Variants in BICRA observed in about 807,000 individuals in gnomAD.
BICRA encodes BRD4-interacting chromatin-remodeling complex-associated protein.
Under a neutral mutation model 96.9 loss-of-function variants are expected in BICRA, and 31 were observed. The ratio of observed to expected loss-of-function variants is 0.32; its 90% CI spans 0.24 to 0.43. The LOEUF (loss-of-function observed/expected upper bound fraction) is 0.43, where lower values mean the gene tolerates loss of function less well. Among genes scored for constraint, BICRA ranks in the 20% least tolerant of loss-of-function variants. The pLI, the probability that BICRA is intolerant of heterozygous loss-of-function variation, is 1.00. For missense variants in BICRA, 2,283 were observed against 2,190.3 expected, an observed-to-expected ratio of 1.04 and a Z score of -0.84; for synonymous variants, 1,350 against 1,071.8, an observed-to-expected ratio of 1.26 and a Z score of -5.07.
At chr19:47,695,343 C>CGGGGGGGCG in intron 9 of BICRA, 22 bp from the exon 10 acceptor site, 1 of 630,246 alleles carries the variant, frequency 1.6e-6, no homozygotes, top group South Asian at 2.0e-5. Context: ...GGCCCTGTCT[C>CGGGGGGGCG]CCCCACCCCA....
At chr19:47,624,552 G>A (rs1972112316) in intron 1 of BICRA, among the ~76,000 whole-genome samples, 1 of 152,206 alleles carries the variant, frequency 6.6e-6, no homozygotes, top group Non-Finnish European at 1.5e-5. Context: ...ATACTGACAT[G>A]AAGTGAGCTT....
intron 1 of BICRA, among the ~76,000 whole-genome samples, chr19:47,652,889 A>G (rs1483525053): frequency 1.3e-5 from 2 of 151,928 alleles, no homozygotes; most frequent in East Asian, 1.9e-4. Flanking sequence ...AATATGTATC[A>G]TGTCTCCTTC....
intron 7 of BICRA, among the ~76,000 whole-genome samples, chr19:47,684,839 T>C (rs1398339066): frequency 6.6e-6 from 1 of 151,932 alleles, no homozygotes; most frequent in Non-Finnish European, 1.5e-5. Flanking sequence ...CTCTGCTTAG[T>C]GGAGCTCTCT....
chr19:47,701,564 GCCT>G lies in BICRA; in HGVS notation c.3839_3841del (p.Ser1280del), dbSNP rs1973446689. ...CTCCTCTTCCTCCTCCTCCTCTGCC[GCCT>G]CCTCCTTGGACGCCGACGAGGACGG... is the stretch of plus-strand genomic sequence containing the variant. On this transcript the variant is annotated inframe_deletion, in exon 15 of 15. Coordinates refer to ENST00000594866, the MANE Select transcript of BICRA (RefSeq NM_001394372.1). This position sits in a 1 kb window ranked among gnomAD's most constrained non-coding sequence, Gnocchi z 5.4. 2 of 1,551,692 alleles carry G rather than the reference GCCT, an allele frequency of 1.3e-6. No individual in the cohort carries two copies. The highest frequency in any genetic ancestry group is 2.0e-5 in the Admixed American group (1 of 51,076).
At chr19:47,681,872 T>G in intron 6 of BICRA, 104 bp from the exon 7 acceptor site, 1 of 814,758 alleles carries the variant, frequency 1.2e-6, no homozygotes, top group Non-Finnish European at 1.9e-6. Flanking sequence ...CACTACCCCA[T>G]TCTCTGGAAC....
chr19:47,620,667 C>CAAAAAAAAAAAA lies in BICRA; in HGVS notation c.-108+11510_-108+11521dup, dbSNP rs10675281. On this transcript the variant is annotated intron_variant, in intron 1 of 14. Coordinates refer to ENST00000594866, the MANE Select transcript of BICRA (RefSeq NM_001394372.1). ...CTTGGGCGACAGAGTGAGACTGTCTCAAAAAAAAAAAAAAAAAAAAAACAA... is the reference window on the plus strand; with the variant it reads ...CTTGGGCGACAGAGTGAGACTGTCTCAAAAAAAAAAAAAAAAAAAAAAAAAAAAAAAAAACAA... Among the ~76,000 whole-genome samples, 29 of 67,574 alleles carry CAAAAAAAAAAAA rather than the reference C, an allele frequency of 4.3e-4. 2 individuals carry two copies. The highest frequency in any genetic ancestry group is 0.011 in the Middle Eastern group (1 of 88). The allele number at this position is 67,574 out of a possible 152,430, so 44.3% of individuals were successfully genotyped here.
At position 47,680,499 on chromosome 19, in the gene BICRA, G is replaced by T; in HGVS notation, c.1329G>T (p.Leu443=). Residue 443 remains leucine, a synonymous_variant, in exon 6 of 15, where the codon CTG becomes CTT. Transcript: ENST00000594866. The part of the protein sequence containing the change: ...GAAPPQPPGA[L]SKPMSVHLLN... ...CCCCGCCGCAGCCCCCCGGGGCCCT[G>T]AGCAAACCCATGAGCGTCCACCTCC... 6.5e-7 allele frequency: 1 copy of T among 1,543,308 alleles called. No individual in the cohort carries two copies.
Position 47,676,616 on chromosome 19 carries a change from C to T in BICRA, c.150+700C>T, listed in dbSNP as rs115878997. Among the ~76,000 whole-genome samples, 431 of 144,748 alleles carry T rather than the reference C, an allele frequency of 3.0e-3. 2 individuals are homozygous for T. The highest frequency in any genetic ancestry group is 0.011 in the African/African-American group (411 of 38,904). The allele number at this position is 144,748 out of a possible 152,430, so 95.0% of individuals were successfully genotyped here. A position where few individuals can be genotyped will look rare whatever the true frequency, so the allele number is the denominator to read the frequency against. The stretch of plus-strand genomic sequence containing the variant: ...TCCTCCTTCCCCCCCTCACCCTCCC[C>T]GCCTTCCCTCTTCATCATCAGAACA... On this transcript the variant is annotated intron_variant, in intron 5 of 14. Transcript: ENST00000594866.
At chr19:47,695,203 C>T in intron 9 of BICRA, 123 bp downstream of exon 9, 1 of 817,196 alleles carries the variant, frequency 1.2e-6, no homozygotes, top group Non-Finnish European at 1.9e-6. Context: ...AGCCAGAACT[C>T]AAGGGACACA....
intron 1 of BICRA, among the ~76,000 whole-genome samples, chr19:47,644,831 C>T (rs1448853596): frequency 6.6e-6 from 1 of 152,116 alleles, no homozygotes; most frequent in African/African-American, 2.4e-5. Context: ...TTCTACAGGC[C>T]AGTAGAGCAA....
At position 47,680,154 on chromosome 19, in the gene BICRA, C is replaced by A; in HGVS notation, c.984C>A (p.Ala328=). ...GTPSGQPLAV[A]PGLGSSPLVP... is the part of the protein sequence containing the mutation. Reference sequence around the variant, plus strand: ...CCTCGGGACAGCCGCTGGCGGTGGCCCCAGGCCTCGGCTCGTCGCCACTGG... The same window carrying A: ...CCTCGGGACAGCCGCTGGCGGTGGCACCAGGCCTCGGCTCGTCGCCACTGG... Residue 328 remains alanine (A), a synonymous_variant, in exon 6 of 15, where the codon GCC becomes GCA. Transcript: ENST00000594866. 6.5e-7 allele frequency: 1 copy of A among 1,530,788 alleles called. No individual in the cohort carries two copies. The highest frequency in any genetic ancestry group is 8.7e-7 in the Non-Finnish European group (1 of 1,147,586). The allele number at this position is 1,530,788 out of a possible 1,614,324, so 94.8% of individuals were successfully genotyped here.
intron 1 of BICRA, among the ~76,000 whole-genome samples, chr19:47,667,479 C>T (rs142214239): frequency 5.3e-5 from 8 of 152,196 alleles, no homozygotes; most frequent in South Asian, 2.1e-4. Flanking sequence ...GTAGGTAGGT[C>T]GTGCACAGAG....
intron 2 of BICRA, among the ~76,000 whole-genome samples, chr19:47,671,071 TG>T (rs1972855325): frequency 6.6e-6 from 1 of 152,210 alleles, no homozygotes; most frequent in South Asian, 2.1e-4. Context: ...CCGTGAACCC[TG>T]GAAAAGTATG....
chr19:47,641,974 C>T (rs771067869), intron 1 of BICRA, among the ~76,000 whole-genome samples: 9 of 152,074 alleles, frequency 5.9e-5, no homozygotes, highest in Non-Finnish European at 8.8e-5. Flanking sequence ...GCGATTGTTT[C>T]TTAAGTCCTT....
rs1002097578 is a variant in BICRA, at chr19:47,680,794, C to G, written c.1624C>G (p.Leu542Val). 9 of 1,608,864 alleles carry G rather than the reference C, an allele frequency of 5.6e-6. 1 individual carries two copies. In the South Asian group the frequency reaches 9.9e-5, roughly 18 times the overall value. ...PHSGAHSAHILSAAPIQVGQP... is the reference protein window; with the variant it reads ...PHSGAHSAHIVSAAPIQVGQP... ...CTCCGGGGCCCACAGCGCGCACATC[C>G]TCTCCGCCGCTCCCATCCAGGTGGG... Residue 542 changes from leucine to valine, a missense_variant, in exon 6 of 15, where the codon CTC (leucine) becomes GTC (valine). Coordinates refer to ENST00000594866, the MANE Select transcript of BICRA (RefSeq NM_001394372.1).
chr19:47,660,058 A>G (rs1172505596), intron 1 of BICRA, among the ~76,000 whole-genome samples: 3 of 152,190 alleles, frequency 2.0e-5, no homozygotes, highest in African/African-American at 7.2e-5. Context: ...TGTAACAAAT[A>G]CCACAGATGC....
intron 1 of BICRA, among the ~76,000 whole-genome samples, chr19:47,620,667 CAAAAAA>C (rs10675281): frequency 2.1e-4 from 14 of 67,706 alleles, no homozygotes; most frequent in Admixed American, 8.0e-4. Flanking sequence ...GAGACTGTCT[CAAAAAA>C]AAAAAAAAAA....
intron 7 of BICRA, among the ~76,000 whole-genome samples, chr19:47,685,813 T>C (rs937913593): frequency 3.4e-5 from 5 of 145,338 alleles, no homozygotes; most frequent in African/African-American, 1.3e-4. Context: ...GCGTACATTT[T>C]CCCTTTGTGT....
At chr19:47,663,035 T>C (rs1346116724) in intron 1 of BICRA, 1 of 152,208 alleles carries the variant, frequency 6.6e-6, no homozygotes, top group Admixed American at 6.5e-5. Flanking sequence ...GGAAACCACA[T>C]AGTGGCTTAA....
Sources: allele counts gnomAD v4.1 joint callset (sites outside exome capture counted in the v4.1 genomes callset), GRCh38; gene constraint gnomAD v4.1.1; non-coding constraint Gnocchi (gnomAD v3.1); transcripts MANE v1.5; gene names NCBI Gene and HGNC (gene_info 2026-07-23, HGNC 2026-07-21).